Variants in ESR1 observed in about 807,000 individuals in gnomAD.
The protein encoded by ESR1 is estrogen receptor.
In ESR1, 12 loss-of-function variants were observed where a neutral mutation model predicts 52.7. That is an observed-to-expected ratio of 0.23 (90% CI 0.15 to 0.37). The LOEUF (loss-of-function observed/expected upper bound fraction) is 0.37. Among genes scored for constraint, ESR1 ranks in the 10% least tolerant of loss-of-function variants. The probability of loss-of-function intolerance (pLI) is 1.00; values close to 1 mark genes in which losing one functional copy is unlikely to be tolerated. For synonymous variants in ESR1, 305 were observed against 316.8 expected, an observed-to-expected ratio of 0.96 and a Z score of 0.39; for missense variants, 584 against 779.7, an observed-to-expected ratio of 0.75 and a Z score of 2.99.
intron 1 of ESR1, among the ~76,000 whole-genome samples, chr6:151,697,060 T>A (rs1188091637): frequency 6.6e-6 from 1 of 152,182 alleles, no homozygotes; most frequent in Admixed American, 6.5e-5. Flanking sequence ...GAGAGTCAGA[T>A]GTCCTATTAA....
At chr6:151,873,371 C>A (rs1027629767) in intron 2 of ESR1, among the ~76,000 whole-genome samples, 2 of 152,158 alleles carry the variant, frequency 1.3e-5, no homozygotes, top group Admixed American at 6.5e-5. Flanking sequence ...CAATGTATAA[C>A]ACACTTCCTG....
intron 2 of ESR1, among the ~76,000 whole-genome samples, chr6:151,719,479 C>T (rs74922399): frequency 0.021 from 3,134 of 152,184 alleles, 38 homozygotes; most frequent in East Asian, 0.033. Context: ...GCCAGTGTTA[C>T]GCCTTAAGGT....
At position 152,098,853 on chromosome 6, in the gene ESR1, T is replaced by A. The variant is rs770912635; in HGVS notation, c.1675T>A (p.Ser559Thr). 8 of 1,614,046 alleles carry A rather than the reference T, an allele frequency of 5.0e-6. No individual in the cohort carries two copies. The Admixed American group carries it at 1.3e-4, about 27-fold the overall frequency. The change falls in exon 8 of 8, where the codon TCC (serine) becomes ACC (threonine). Residue 559 changes from serine (S) to threonine (T), a missense_variant. Physicochemically the swap from Ser to Thr is moderately conservative, Grantham distance 58. Transcript: ENST00000206249. This position sits in a 1 kb window ranked among gnomAD's most constrained non-coding sequence, Gnocchi z 5.1. ...TGCGCCCACTAGCCGTGGAGGGGCA[T>A]CCGTGGAGGAGACGGACCAAAGCCA... ...LHAPTSRGGASVEETDQSHLA... is the reference protein window; with the variant it reads ...LHAPTSRGGATVEETDQSHLA...
At chr6:152,040,216 G>A (rs1723333316) in intron 5 of ESR1, among the ~76,000 whole-genome samples, 1 of 152,150 alleles carries the variant, frequency 6.6e-6, no homozygotes, top group South Asian at 2.1e-4. Context: ...GGTCAGCCTT[G>A]GTACGTGGAA....
chr6:151,856,762 C>T (rs61555755), intron 2 of ESR1, among the ~76,000 whole-genome samples: 3,823 of 152,224 alleles, frequency 0.025, 160 homozygotes, highest in African/African-American at 0.088. Flanking sequence ...CTGCATTTCT[C>T]CTGACTTTCT....
At position 151,862,931 on chromosome 6, in the gene ESR1, A is replaced by G. The variant is rs1291601186; in HGVS notation, c.644-17724A>G. 3.9e-5 allele frequency among the ~76,000 whole-genome samples: 6 copies of G among 152,082 alleles called. No homozygotes were observed. In the East Asian group the frequency reaches 9.6e-4, roughly 24 times the overall value. On this transcript the variant is annotated intron_variant, in intron 2 of 7. Coordinates refer to ENST00000206249, the MANE Select transcript of ESR1 (RefSeq NM_000125.4). ...TCGGCTTGAAATTTTTAAAGTATACAGTTCTTCTTTATGGATTATTAAAAA... is the reference window on the plus strand; with the variant it reads ...TCGGCTTGAAATTTTTAAAGTATACGGTTCTTCTTTATGGATTATTAAAAA...
chr6:152,052,260 C>T (rs998087745), intron 5 of ESR1, among the ~76,000 whole-genome samples: 2 of 152,098 alleles, frequency 1.3e-5, no homozygotes, highest in Admixed American at 6.6e-5. Context: ...GGATCCACCC[C>T]GAACACCTCC....
chr6:151,833,765 G>C (rs1197336526), intron 1 of ESR1, among the ~76,000 whole-genome samples: 1 of 152,158 alleles, frequency 6.6e-6, no homozygotes, highest in African/African-American at 2.4e-5. Context: ...TGCACATGTT[G>C]ATTCAACAAT....
intron 2 of ESR1, among the ~76,000 whole-genome samples, chr6:151,707,083 G>A (rs776768051): frequency 2.0e-5 from 3 of 152,160 alleles, no homozygotes; most frequent in Non-Finnish European, 4.4e-5. Flanking sequence ...TTGGAGGCAG[G>A]CTGTGCCTCT....
At chr6:152,006,838 T>C (rs770183915) in intron 4 of ESR1, among the ~76,000 whole-genome samples, 9 of 152,030 alleles carry the variant, frequency 5.9e-5, no homozygotes, top group Non-Finnish European at 1.2e-4. Context: ...AGGAAACCAA[T>C]ATTTTTTTTT....
chr6:151,778,825 C>CT (rs1054287809), intron 2 of ESR1, among the ~76,000 whole-genome samples: 35 of 152,206 alleles, frequency 2.3e-4, no homozygotes, highest in Non-Finnish European at 3.4e-4. Context: ...AAAAAAGATA[C>CT]TTTTTTTGCC....
At chr6:151,708,755 C>T (rs1244626069) in intron 2 of ESR1, among the ~76,000 whole-genome samples, 3 of 151,982 alleles carry the variant, frequency 2.0e-5, no homozygotes, top group African/African-American at 7.2e-5. Flanking sequence ...TATATGGTTG[C>T]TTTTCTCTTA....
chr6:152,050,430 A>C lies in ESR1; in HGVS notation c.1236-10561A>C, dbSNP rs1585009397. ...ATTTTTTCAGAATAACTCTAAGATGATGATCCTCTGGCCATATTTTAAAAA... is the reference window on the plus strand; with the variant it reads ...ATTTTTTCAGAATAACTCTAAGATGCTGATCCTCTGGCCATATTTTAAAAA... On this transcript the variant is annotated intron_variant, in intron 5 of 7. Coordinates refer to ENST00000206249, the MANE Select transcript of ESR1 (RefSeq NM_000125.4). Among the ~76,000 whole-genome samples, 3 of 152,200 alleles carry C rather than the reference A, an allele frequency of 2.0e-5. No individual in the cohort carries two copies. In the East Asian group the frequency reaches 5.8e-4, roughly 29 times the overall value.
chr6:151,950,487 T>A (rs2036211522), intron 4 of ESR1, among the ~76,000 whole-genome samples: 1 of 152,204 alleles, frequency 6.6e-6, no homozygotes, highest in Non-Finnish European at 1.5e-5. Context: ...GAATCTGACC[T>A]TCTTTGGAAA....
upstream of ESR1, among the ~76,000 whole-genome samples, chr6:151,686,689 AAACCAACC>A (rs35551206): frequency 0.029 from 3,661 of 126,642 alleles, 49 homozygotes; most frequent in East Asian, 0.065. Flanking sequence ...CTCCATCTCA[AAACCAACC>A]AACCAACCAA....
intron 2 of ESR1, among the ~76,000 whole-genome samples, chr6:151,712,777 C>A (rs1432663592): frequency 6.6e-6 from 1 of 152,170 alleles, no homozygotes; most frequent in Non-Finnish European, 1.5e-5. Context: ...ATCATGTCAT[C>A]TGCAAACAGA....
rs878864568 is a variant in ESR1, at chr6:151,880,563, A to G, written c.644-92A>G. ...GCAACATAGTAAGGCTGAGGAAGTGATAGGAAAACAGCCTCCAAAAGGTTT... is the reference window on the plus strand; with the variant it reads ...GCAACATAGTAAGGCTGAGGAAGTGGTAGGAAAACAGCCTCCAAAAGGTTT... On this transcript the variant is annotated intron_variant, in intron 2 of 7. Transcript: ENST00000206249. 90 of 817,096 alleles carry G rather than the reference A, an allele frequency of 1.1e-4. 2 individuals carry two copies. The highest frequency in any genetic ancestry group is 1.1e-3 in the South Asian group (81 of 75,118). 50.6% of individuals were successfully genotyped at this position (817,096 alleles called of 1,614,324 possible).
chr6:151,794,385 T>C (rs137858964), intron 2 of ESR1, among the ~76,000 whole-genome samples: 122 of 152,328 alleles, frequency 8.0e-4, no homozygotes, highest in South Asian at 1.2e-3. Context: ...ATTTTGTATA[T>C]AAAGGGATCC....
At chr6:151,736,378 T>C (rs113695357) in intron 2 of ESR1, among the ~76,000 whole-genome samples, 52 of 41,508 alleles carry the variant, frequency 1.3e-3, no homozygotes, top group Non-Finnish European at 1.8e-3. Flanking sequence ...AGGTAGTGTT[T>C]TTTTTTTTTT....
Sources: allele counts gnomAD v4.1 joint callset (sites outside exome capture counted in the v4.1 genomes callset), GRCh38; gene constraint gnomAD v4.1.1; non-coding constraint Gnocchi (gnomAD v3.1); transcripts MANE v1.5; gene names NCBI Gene and HGNC (gene_info 2026-07-23, HGNC 2026-07-21).